The following GPR141 variants were observed in gnomAD, a reference collection of about 807,000 sequenced individuals.
GPR141 encodes probable G protein-coupled receptor 141.
Under a neutral mutation model 6.8 loss-of-function variants are expected in GPR141, and 6 were observed. The observed-to-expected ratio is 0.88, with a 90% CI of 0.48 to 1.74. The LOEUF is 1.74. GPR141 is among the 40% of genes most tolerant of loss of function. GPR141 has a pLI of 0.01. For synonymous variants in GPR141, 140 were observed against 142.3 expected (o/e 0.98, Z 0.11); for missense variants, 372 against 372.9 (o/e 1.00, Z 0.02).
intron 2 of GPR141, among the ~76,000 whole-genome samples, chr7:37,722,741 T>C (rs1261514019): frequency 6.9e-6 from 1 of 145,046 alleles, no homozygotes; most frequent in Non-Finnish European, 1.5e-5. Context: ...AAAAAAAAGT[T>C]CAGAAACTCC....
chr7:37,705,340 A>G (rs574662921), intron 2 of GPR141, among the ~76,000 whole-genome samples: 2 of 152,328 alleles, frequency 1.3e-5, no homozygotes, highest in South Asian at 4.1e-4. Context: ...GGTAAAACCT[A>G]TATCACTGAT....
rs747388175 is a variant in GPR141, at chr7:37,720,545, TC to T, written c.-14-19833del. On this transcript the variant is annotated intron_variant, in intron 2 of 2. Coordinates refer to ENST00000334425, the MANE Select transcript of GPR141 (RefSeq NM_001381946.1). ...TCACAAGGTCAGGAGATCGAGACCA[TC>T]CTGGCTAACATGGTGAAACCCCTTC... Among the ~76,000 whole-genome samples the T allele has an allele frequency of 2.4e-4, 36 of 152,120 alleles. 1 individual carries two copies. The highest frequency in any genetic ancestry group is 3.8e-4 in the Non-Finnish European group (26 of 67,976).
chr7:37,724,250 C>A (rs537467041), intron 2 of GPR141, among the ~76,000 whole-genome samples: 26 of 152,026 alleles, frequency 1.7e-4, no homozygotes, highest in Non-Finnish European at 3.5e-4. Context: ...ATGAGTGAGG[C>A]TGCAGATCTA....
intron 2 of GPR141, among the ~76,000 whole-genome samples, chr7:37,691,288 C>CTTTTTTTTTT (rs1562764892): frequency 3.2e-5 from 2 of 63,088 alleles, no homozygotes; most frequent in Non-Finnish European, 2.5e-5. Context: ...AGTCTATATC[C>CTTTTTTTTTT]TTTTTTTTTT....
chr7:37,729,777 A>G (rs183918270), intron 2 of GPR141: 2 of 152,254 alleles, frequency 1.3e-5, no homozygotes, highest in East Asian at 3.9e-4. Flanking sequence ...CGCAATGAAG[A>G]TATATAGGTG....
intron 2 of GPR141, among the ~76,000 whole-genome samples, chr7:37,733,013 G>A (rs748832653): frequency 5.9e-5 from 9 of 152,182 alleles, no homozygotes; most frequent in African/African-American, 9.7e-5. Context: ...AATCAAGAGC[G>A]CTGAGTCTGA....
intron 2 of GPR141, among the ~76,000 whole-genome samples, chr7:37,694,151 G>A (rs974474671): frequency 4.6e-5 from 7 of 152,236 alleles, no homozygotes; most frequent in Admixed American, 1.3e-4. Context: ...TCCCTGGGAT[G>A]TCAGGCATAG....
At chr7:37,721,825 G>A (rs1340464260) in intron 2 of GPR141, among the ~76,000 whole-genome samples, 3 of 152,160 alleles carry the variant, frequency 2.0e-5, no homozygotes, top group African/African-American at 7.2e-5. Context: ...CTGAAAGTAT[G>A]GTGTCTGTCT....
intron 2 of GPR141, among the ~76,000 whole-genome samples, chr7:37,692,508 A>G (rs996121993): frequency 6.6e-6 from 1 of 152,178 alleles, no homozygotes; most frequent in African/African-American, 2.4e-5. Flanking sequence ...TTGGGTATAT[A>G]CCCAGTAATG....
At chr7:37,720,693 A>T (rs1480843232) in intron 2 of GPR141, among the ~76,000 whole-genome samples, 1 of 149,028 alleles carries the variant, frequency 6.7e-6, no homozygotes, top group Non-Finnish European at 1.5e-5. Flanking sequence ...GTGAGCTGAG[A>T]TTGCGCCACT....
rs903405203 is a variant in GPR141 at position 37,742,418 on chromosome 7, C to G, written c.*1107C>G. On this transcript the variant is annotated 3_prime_UTR_variant, in exon 3 of 3. Transcript: ENST00000334425. ...CTAGCCCCCCACCCCTGGACAGGCC[C>G]CATTGTGTGATGTTCCCCTCCCTGT... Among the ~76,000 whole-genome samples, 2 of 151,814 alleles carry G rather than the reference C, an allele frequency of 1.3e-5. No individual in the cohort carries two copies. Among genetic ancestry groups the G allele is most frequent in the African/African-American group, 4.8e-5 (2 of 41,326 alleles).
At chr7:37,688,069 G>A (rs536588205) in intron 2 of GPR141, among the ~76,000 whole-genome samples, 47 of 152,200 alleles carry the variant, frequency 3.1e-4, no homozygotes, top group Non-Finnish European at 5.4e-4. Context: ...TTACAAAAAC[G>A]AGTGGCCAGC....
At chr7:37,687,955 A>G (rs1809583704) in intron 2 of GPR141, among the ~76,000 whole-genome samples, 3 of 152,178 alleles carry the variant, frequency 2.0e-5, no homozygotes, top group Non-Finnish European at 4.4e-5. Flanking sequence ...TTTGTGAGCC[A>G]AACAATCTCT....
intron 2 of GPR141, among the ~76,000 whole-genome samples, chr7:37,687,553 A>G (rs1162485430): frequency 1.3e-5 from 2 of 152,144 alleles, no homozygotes; most frequent in Non-Finnish European, 2.9e-5. Context: ...CTGAGGACAT[A>G]TTCCCGGATC....
intron 2 of GPR141, among the ~76,000 whole-genome samples, chr7:37,696,866 A>C (rs1810038186): frequency 6.6e-6 from 1 of 152,116 alleles, no homozygotes; most frequent in South Asian, 2.1e-4. Context: ...TACTCATTTC[A>C]GATGCAGTAA....
chr7:37,722,994 C>CT (rs111534766), intron 2 of GPR141, among the ~76,000 whole-genome samples: 6,306 of 96,428 alleles, frequency 0.065, 251 homozygotes, highest in East Asian at 0.092. Context: ...TTCTTTCTTT[C>CT]TTTTTTTTTT....
At chr7:37,716,586 A>T (rs924136031) in intron 2 of GPR141, among the ~76,000 whole-genome samples, 7 of 152,190 alleles carry the variant, frequency 4.6e-5, no homozygotes, top group Non-Finnish European at 8.8e-5. Flanking sequence ...ACCCAATTTC[A>T]CTGTTTTACT....
At chr7:37,711,187 T>A (rs1250206996) in intron 2 of GPR141, among the ~76,000 whole-genome samples, 1 of 152,190 alleles carries the variant, frequency 6.6e-6, no homozygotes, top group Non-Finnish European at 1.5e-5. Context: ...AAATTTAATA[T>A]GACCAGGAAT....
rs150636183 is a variant in GPR141 at position 37,740,950 on chromosome 7, T to C, written c.557T>C (p.Val186Ala). ...GTGAAAATCATCAACTATATGATAG[T>C]CATTTTTGTCATAGCCGTTGCTGTG... ...TYVKIINYMI[V>A]IFVIAVAVIL... is the part of the protein sequence containing the mutation. The change falls in exon 3 of 3, where the codon GTC becomes GCC. Residue 186 changes from valine (V) to alanine (A), a missense_variant. Coordinates refer to ENST00000334425, the MANE Select transcript of GPR141 (RefSeq NM_001381946.1). The C allele has an allele frequency of 3.2e-5, 52 of 1,613,850 alleles. No individual in the cohort carries two copies. Among genetic ancestry groups the C allele is most frequent in the Non-Finnish European group, 4.4e-5 (52 of 1,179,864 alleles).
Sources: allele counts gnomAD v4.1 joint callset (sites outside exome capture counted in the v4.1 genomes callset), GRCh38; gene constraint gnomAD v4.1.1; transcripts MANE v1.5; gene names NCBI Gene and HGNC (gene_info 2026-07-23, HGNC 2026-07-21).